NCS1: variants seen among roughly 807,000 people sequenced by gnomAD.
The protein encoded by NCS1 is frequenin homolog.
NCS1 carries 6 observed loss-of-function variants against 28.4 expected under a neutral mutation model. That is an observed-to-expected ratio of 0.21 (90% CI 0.12 to 0.42). NCS1 has a LOEUF of 0.42. NCS1 is among the 10% of genes least tolerant of loss of function. The pLI, the probability that NCS1 is intolerant of heterozygous loss-of-function variation, is 1.00. For synonymous variants in NCS1, 86 were observed against 99.3 expected (o/e 0.87, Z 0.79); for missense variants, 131 against 241.4 (o/e 0.54, Z 3.03).
chr9:130,223,166 T>C lies in NCS1; in HGVS notation c.474+7T>C. 1 of 878,672 alleles carries C rather than the reference T, an allele frequency of 1.1e-6. No homozygotes were observed. 54.4% of individuals were successfully genotyped at this position (878,672 alleles called of 1,614,324 possible). ...CTTTGCCATGATGGATAAGGTGAGG[T>C]GGGGGGGCGGGGCTGGTCCTGGACC... On this transcript the variant is annotated splice_region_variant and intron_variant, in intron 6 of 7. Coordinates refer to ENST00000372398, the MANE Select transcript of NCS1 (RefSeq NM_014286.4).
At chr9:130,193,481 C>G (rs1403557994) in intron 1 of NCS1, among the ~76,000 whole-genome samples, 1 of 152,104 alleles carries the variant, frequency 6.6e-6, no homozygotes, top group Non-Finnish European at 1.5e-5. Context: ...TTGAGGCAGC[C>G]AGGTTGGATG....
At chr9:130,195,071 T>G (rs1455145450) in intron 1 of NCS1, among the ~76,000 whole-genome samples, 1 of 152,168 alleles carries the variant, frequency 6.6e-6, no homozygotes, top group Non-Finnish European at 1.5e-5. Flanking sequence ...AGTGCTTCTG[T>G]CTCGCACTTG....
intron 2 of NCS1, among the ~76,000 whole-genome samples, chr9:130,202,261 CCTTGAA>C (rs1832958695): frequency 6.6e-6 from 1 of 152,152 alleles, no homozygotes; most frequent in Non-Finnish European, 1.5e-5. Context: ...GCTGTTTGTT[CCTTGAA>C]CTCACCTTTG....
chr9:130,211,457 ACTC>A (rs1333361938), intron 2 of NCS1, among the ~76,000 whole-genome samples: 5 of 149,536 alleles, frequency 3.3e-5, no homozygotes, highest in African/African-American at 7.4e-5. Context: ...TGCCATCTCT[ACTC>A]CTCCACCCTG....
intron 4 of NCS1, among the ~76,000 whole-genome samples, chr9:130,221,447 G>GAGAGAGAGAGAGAAAGAGAGAGAA (rs1833300879): frequency 1.4e-5 from 2 of 140,414 alleles, no homozygotes; most frequent in Non-Finnish European, 3.1e-5. Flanking sequence ...GAGAGAGAGA[G>GAGAGAGAGAGAGAAAGAGAGAGAA]AGAGAAAGAG....
At chr9:130,225,269 G>C (rs1290925573) in intron 6 of NCS1, among the ~76,000 whole-genome samples, 1 of 152,256 alleles carries the variant, frequency 6.6e-6, no homozygotes, top group Admixed American at 6.5e-5. Context: ...GGAGACAGCT[G>C]TTTGCCCTAA....
At chr9:130,228,990 C>T (rs1324838711) in intron 7 of NCS1, among the ~76,000 whole-genome samples, 2 of 151,702 alleles carry the variant, frequency 1.3e-5, no homozygotes, top group Non-Finnish European at 2.9e-5. Context: ...TGTTTTGAAG[C>T]GTCTGTTATT....
intron 2 of NCS1, among the ~76,000 whole-genome samples, chr9:130,206,434 AG>A (rs1437580854): frequency 8.2e-6 from 1 of 122,566 alleles, no homozygotes; most frequent in African/African-American, 3.2e-5. Context: ...CCTGAGATGG[AG>A]TCTCACTCGG....
At chr9:130,231,353 A>G (rs1236853033) in intron 7 of NCS1, among the ~76,000 whole-genome samples, 1 of 6,578 alleles carries the variant, frequency 1.5e-4, no homozygotes, top group Non-Finnish European at 8.3e-4. Flanking sequence ...TTTTATCTCA[A>G]AAAAAAAAAA....
intron 1 of NCS1, among the ~76,000 whole-genome samples, chr9:130,194,343 A>AGGCTGTGGGCACCACGGGTGCTTCCT (rs1564705901): frequency 6.7e-6 from 1 of 150,362 alleles, no homozygotes. Flanking sequence ...GGTGGAAAGG[A>AGGCTGTGGGCACCACGGGTGCTTCCT]GGCTGTGGGC....
rs1307779165 is a variant in NCS1 at position 130,234,635 on chromosome 9, G to A, written c.*1663G>A. The A allele has an allele frequency of 2.0e-5, 3 of 152,230 alleles. No individual in the cohort carries two copies. Among genetic ancestry groups the A allele is most frequent in the African/African-American group, 7.2e-5 (3 of 41,432 alleles). 9.4% of individuals were successfully genotyped at this position (152,230 alleles called of 1,614,324 possible). On this transcript the variant is annotated 3_prime_UTR_variant, in exon 8 of 8. Coordinates refer to ENST00000372398, the MANE Select transcript of NCS1 (RefSeq NM_014286.4). The surrounding 1 kb of genome is among the most constrained non-coding windows in gnomAD (Gnocchi z 6.1). ...GGTGATGCTGTGGTTAAGTTTGCTT[G>A]ACCCCAGCAGCCCGAGGGACTGTCT...
rs57983181 is a variant in NCS1, at chr9:130,213,427, C to T, written c.90-4405C>T. Among the ~76,000 whole-genome samples the T allele has an allele frequency of 5.2e-3, 785 of 150,012 alleles. 7 individuals are homozygous for T. The highest frequency in any genetic ancestry group is 0.018 in the African/African-American group (748 of 40,614). ...TGAGTAGCTGGGACTTACAGGCGCC[C>T]GCCACCACGCCCGGCTAATTTTTTT... is the stretch of plus-strand genomic sequence containing the variant. On this transcript the variant is annotated intron_variant, in intron 2 of 7. Coordinates refer to ENST00000372398, the MANE Select transcript of NCS1 (RefSeq NM_014286.4).
intron 2 of NCS1, among the ~76,000 whole-genome samples, chr9:130,210,750 C>T (rs1833102008): frequency 6.6e-6 from 1 of 151,958 alleles, no homozygotes; most frequent in African/African-American, 2.4e-5. Context: ...AAGAGTGGGG[C>T]AGGATCAAGC....
chr9:130,221,451 G>GAGAGAGAA (rs1194707277), intron 4 of NCS1, among the ~76,000 whole-genome samples: 10 of 138,110 alleles, frequency 7.2e-5, no homozygotes, highest in African/African-American at 2.7e-4. Flanking sequence ...GAGAGAGAGA[G>GAGAGAGAA]AAAGAGAGAG....
intron 2 of NCS1, among the ~76,000 whole-genome samples, chr9:130,208,533 C>G (rs1833061850): frequency 1.3e-5 from 2 of 152,238 alleles, no homozygotes; most frequent in South Asian, 4.2e-4. Context: ...CCTCGGCCTC[C>G]CAAAGTGCTG....
chr9:130,235,120 A>ACCC lies in NCS1; in HGVS notation c.*2153_*2155dup, dbSNP rs5900889. On this transcript the variant is annotated 3_prime_UTR_variant, in exon 8 of 8. Transcript: ENST00000372398. ...AGGACTGCACGCTGGCCCCACGGTA[A>ACCC]CCCCCCCTCCCCCACCAACATCCTG... 1.2e-4 allele frequency: 18 copies of ACCC among 148,578 alleles called. No individual in the cohort carries two copies. Among genetic ancestry groups the ACCC allele is most frequent in the African/African-American group, 4.6e-4 (18 of 39,516 alleles). The allele number at this position is 148,578 out of a possible 1,614,324, so 9.2% of individuals were successfully genotyped here.
chr9:130,207,996 C>T (rs1282339013), intron 2 of NCS1, among the ~76,000 whole-genome samples: 2 of 152,116 alleles, frequency 1.3e-5, no homozygotes, highest in Non-Finnish European at 2.9e-5. Context: ...AATTCACCGT[C>T]GTGGAAGATC....
rs1043666931 is a variant in NCS1, at chr9:130,173,208, G to T, written c.64+481G>T. 2.4e-4 allele frequency among the ~76,000 whole-genome samples: 36 copies of T among 151,968 alleles called. 1 individual carries two copies. Among genetic ancestry groups the T allele is most frequent in the Non-Finnish European group, 3.1e-4 (21 of 67,928 alleles). On this transcript the variant is annotated intron_variant, in intron 1 of 7. Transcript: ENST00000372398. ...CCTGGCCCCGTTCGTGTGGGGGGGGGGGTGGCGAGACTTGGCACAGCGCTC... is the reference window on the plus strand; with the variant it reads ...CCTGGCCCCGTTCGTGTGGGGGGGGTGGTGGCGAGACTTGGCACAGCGCTC...
At position 130,227,323 on chromosome 9, in the gene NCS1, G is replaced by A. The variant is rs75942561; in HGVS notation, c.*17+819G>A. On this transcript the variant is annotated intron_variant, in intron 7 of 7. Coordinates refer to ENST00000372398, the MANE Select transcript of NCS1 (RefSeq NM_014286.4). ...GAGTGTTCAATGTAGTCTGCGGGGA[G>A]TGGGTGTGAATAACGTCCAAGGTAT... 2.2e-4 allele frequency among the ~76,000 whole-genome samples: 34 copies of A among 152,306 alleles called. 1 individual carries two copies. In the East Asian group the frequency reaches 6.6e-3, roughly 29 times the overall value.
Sources: gnomAD v4.1 joint callset for allele counts (sites outside exome capture counted in the v4.1 genomes callset) on GRCh38, gnomAD v4.1.1 for gene constraint, Gnocchi (gnomAD v3.1) non-coding constraint, MANE v1.5 for transcripts, NCBI Gene and HGNC (gene_info 2026-07-23, HGNC 2026-07-21) for gene names.